Variants in PLCE1 observed in about 807,000 individuals in gnomAD.
The protein encoded by PLCE1 is phospholipase C epsilon 1, also known as 1-phosphatidylinositol 4,5-bisphosphate phosphodiesterase epsilon-1.
A neutral mutation model predicts 242.8 loss-of-function variants in PLCE1; 119 were observed. That is an observed-to-expected ratio of 0.49 (90% CI 0.42 to 0.57). PLCE1 has a LOEUF of 0.57. PLCE1 is among the 20% of genes least tolerant of loss of function. The pLI is 0.00. For missense variants in PLCE1, 2,441 were observed against 2,788.8 expected, an observed-to-expected ratio of 0.88 and a Z score of 2.81; for synonymous variants, 945 against 1,017.4, an observed-to-expected ratio of 0.93 and a Z score of 1.35.
At chr10:94,156,558 T>G (rs186018328) in intron 3 of PLCE1, among the ~76,000 whole-genome samples, 1 of 152,186 alleles carries the variant, frequency 6.6e-6, no homozygotes, top group Non-Finnish European at 1.5e-5. Context: ...CCTCTCTGGG[T>G]GACCACCTTC....
rs775344945 is a variant in PLCE1 at position 94,273,614 on chromosome 10, C to T, written c.4559C>T (p.Ser1520Leu). Residue 1520 changes from serine to leucine, a missense_variant, in exon 19 of 33, where the codon TCA becomes TTA. Transcript: ENST00000371380. The stretch of plus-strand genomic sequence containing the variant: ...AAATTCTTATTTGAGACTGATTTCT[C>T]AGATGATCCAATGCTTCCTTCACCT... ...VTKFLFETDF[S>L]DDPMLPSPDQ... 1 of 1,613,640 alleles carries T rather than the reference C, an allele frequency of 6.2e-7. No individual in the cohort carries two copies. The highest frequency in any genetic ancestry group is 8.5e-7 in the Non-Finnish European group (1 of 1,179,618).
At chr10:94,291,357 T>A (rs1243198221) in intron 22 of PLCE1, among the ~76,000 whole-genome samples, 1 of 152,192 alleles carries the variant, frequency 6.6e-6, no homozygotes, top group Non-Finnish European at 1.5e-5. Context: ...GCTTTAGTCA[T>A]GTCAGATGTT....
At chr10:94,197,261 T>C (rs2048849460) in intron 4 of PLCE1, among the ~76,000 whole-genome samples, 1 of 152,248 alleles carries the variant, frequency 6.6e-6, no homozygotes, top group African/African-American at 2.4e-5. Flanking sequence ...TTGAATTATG[T>C]ATACTTTTTG....
chr10:94,164,034 T>C lies in PLCE1; in HGVS notation c.1493-7146T>C, dbSNP rs899181796. 5.3e-5 allele frequency among the ~76,000 whole-genome samples: 8 copies of C among 152,354 alleles called. 1 individual carries two copies. The South Asian group carries it at 1.7e-3, about 32-fold the overall frequency. On this transcript the variant is annotated intron_variant, in intron 3 of 32. Transcript: ENST00000371380. The stretch of plus-strand genomic sequence containing the variant: ...GCCGAGAGATCAGCTGTTTGTCTGA[T>C]GGGTTTCCCTTTGTGGGTAACCCGA...
In PLCE1 at chr10:94,201,031, A is replaced by C. The variant is rs570589984; in HGVS notation, c.1810-26275A>C. On this transcript the variant is annotated intron_variant, in intron 4 of 32. Transcript: ENST00000371380. The stretch of plus-strand genomic sequence containing the variant: ...TGAAGGTGATGTGGGATCCTGGAAC[A>C]GAAAAAGGACATTAGGTAAAAACTG... Among the ~76,000 whole-genome samples the C allele has an allele frequency of 2.5e-3, 382 of 152,352 alleles. 3 individuals are homozygous for C. Among genetic ancestry groups the C allele is most frequent in the African/African-American group, 8.9e-3 (370 of 41,574 alleles).
intron 2 of PLCE1, among the ~76,000 whole-genome samples, chr10:94,044,841 A>T (rs1002415275): frequency 6.6e-6 from 1 of 152,192 alleles, no homozygotes; most frequent in Non-Finnish European, 1.5e-5. Flanking sequence ...CATACATTAT[A>T]TGCTCAGAAC....
chr10:94,316,795 A>C (rs1453469210), intron 29 of PLCE1, 39 bp downstream of exon 29: 1 of 1,434,378 alleles, frequency 7.0e-7, no homozygotes, highest in African/African-American at 1.4e-5. Context: ...GTAACGACTC[A>C]TTATGTGATT....
chr10:94,256,142 C>G (rs1180234121), intron 11 of PLCE1, among the ~76,000 whole-genome samples: 1 of 151,392 alleles, frequency 6.6e-6, no homozygotes, highest in African/African-American at 2.4e-5. Flanking sequence ...GCCTGAGCAA[C>G]AGAAACCCCA....
chr10:94,252,178 A>T, intron 8 of PLCE1, 138 bp from the exon 9 acceptor site: 2 of 728,932 alleles, frequency 2.7e-6, no homozygotes, highest in Middle Eastern at 3.2e-4. Flanking sequence ...GAAAACAGTC[A>T]CTTGGGTGGC....
chr10:94,228,175 A>C (rs1322898033), intron 5 of PLCE1, among the ~76,000 whole-genome samples: 1 of 152,178 alleles, frequency 6.6e-6, no homozygotes, highest in Non-Finnish European at 1.5e-5. Flanking sequence ...CAAAATCACC[A>C]TTCTGTTCAT....
At chr10:94,261,416 G>T (rs1453278063) in intron 13 of PLCE1, among the ~76,000 whole-genome samples, 1 of 152,118 alleles carries the variant, frequency 6.6e-6, no homozygotes, top group Non-Finnish European at 1.5e-5. Context: ...AGTATATCTT[G>T]GTTGCTTCCA....
At chr10:94,285,071 G>C (rs2052389661) in intron 22 of PLCE1, 106 bp downstream of exon 22, 1 of 727,598 alleles carries the variant, frequency 1.4e-6, no homozygotes, top group Non-Finnish European at 2.5e-6. Flanking sequence ...ACTAAATTGT[G>C]TTGCTGAAAT....
intron 4 of PLCE1, among the ~76,000 whole-genome samples, chr10:94,223,308 T>G (rs972396476): frequency 2.0e-5 from 3 of 150,926 alleles, no homozygotes; most frequent in Non-Finnish European, 2.9e-5. Flanking sequence ...AGTTCAAGAT[T>G]CCTGAGATGT....
chr10:94,024,078 G>T (rs2061419909), intron 1 of PLCE1, among the ~76,000 whole-genome samples: 1 of 152,154 alleles, frequency 6.6e-6, no homozygotes, highest in Non-Finnish European at 1.5e-5. Context: ...ATTATGTAGG[G>T]TTTGCATGTG....
chr10:94,133,646 C>T (rs1007674602), intron 3 of PLCE1, among the ~76,000 whole-genome samples: 1 of 152,182 alleles, frequency 6.6e-6, no homozygotes, highest in Admixed American at 6.5e-5. Context: ...AATACTGTAA[C>T]CTCCTTGTGT....
intron 4 of PLCE1, among the ~76,000 whole-genome samples, chr10:94,195,818 A>G (rs553298982): frequency 6.6e-6 from 1 of 152,276 alleles, no homozygotes; most frequent in East Asian, 1.9e-4. Context: ...GGTCAGGGAA[A>G]CTTTGAACAG....
chr10:94,233,594 T>C (rs1226620117), intron 5 of PLCE1, among the ~76,000 whole-genome samples: 1 of 152,212 alleles, frequency 6.6e-6, no homozygotes, highest in East Asian at 1.9e-4. Flanking sequence ...TACAAAAGTA[T>C]TATTCATATT....
At chr10:94,167,318 T>C (rs1230720262) in intron 3 of PLCE1, among the ~76,000 whole-genome samples, 2 of 152,052 alleles carry the variant, frequency 1.3e-5, no homozygotes, top group African/African-American at 4.8e-5. Context: ...CTTTCCCACC[T>C]ACATCCAGGA....
At chr10:94,023,085 C>T (rs2061401217) in intron 1 of PLCE1, among the ~76,000 whole-genome samples, 1 of 151,986 alleles carries the variant, frequency 6.6e-6, no homozygotes, top group South Asian at 2.1e-4. Context: ...GTAGGAAGAG[C>T]TACAGGAAAC....
Sources: gnomAD v4.1 joint callset for allele counts (sites outside exome capture counted in the v4.1 genomes callset) on GRCh38, gnomAD v4.1.1 for gene constraint, MANE v1.5 for transcripts, NCBI Gene and HGNC (gene_info 2026-07-23, HGNC 2026-07-21) for gene names.